The following CACNB2 variants were observed in gnomAD, a reference collection of about 807,000 sequenced individuals.
CACNB2 encodes calcium voltage-gated channel auxiliary subunit beta 2.
A neutral mutation model predicts 73.3 loss-of-function variants in CACNB2; 42 were observed. The ratio of observed to expected loss-of-function variants is 0.57; its 90% confidence interval spans 0.45 to 0.74. The LOEUF (loss-of-function observed/expected upper bound fraction) is 0.74, where lower values mean the gene tolerates loss of function less well. Among genes scored for constraint, CACNB2 ranks in the 30% least tolerant of loss-of-function variants. The pLI, the probability that CACNB2 is intolerant of heterozygous loss-of-function variation, is 0.00. For synonymous variants in CACNB2, 348 were observed against 310.3 expected (o/e 1.12, Z -1.28); for missense variants, 940 against 853.0 (o/e 1.10, Z -1.27).
intron 2 of CACNB2, among the ~76,000 whole-genome samples, chr10:18,325,439 C>G (rs150189220): frequency 1.3e-3 from 199 of 152,082 alleles, no homozygotes; most frequent in African/African-American, 4.7e-3. Flanking sequence ...AGGCAATCCT[C>G]CTGCCTTGGC....
intron 2 of CACNB2, among the ~76,000 whole-genome samples, chr10:18,263,460 A>G (rs1008806309): frequency 3.3e-5 from 5 of 152,228 alleles, no homozygotes; most frequent in Admixed American, 3.3e-4. Flanking sequence ...GTCAATATTT[A>G]TATACATACA....
At chr10:18,271,175 T>C (rs1483294565) in intron 2 of CACNB2, among the ~76,000 whole-genome samples, 1 of 152,220 alleles carries the variant, frequency 6.6e-6, no homozygotes, top group African/African-American at 2.4e-5. Context: ...TTGGTTGATA[T>C]GCATAAAGTA....
intron 2 of CACNB2, among the ~76,000 whole-genome samples, chr10:18,363,604 C>G (rs2042227960): frequency 6.6e-6 from 1 of 152,174 alleles, no homozygotes; most frequent in African/African-American, 2.4e-5. Flanking sequence ...AAGCTCAAAG[C>G]TAGCAGTTCA....
At chr10:18,286,449 T>G (rs957204829) in intron 2 of CACNB2, among the ~76,000 whole-genome samples, 1 of 126,820 alleles carries the variant, frequency 7.9e-6, no homozygotes, top group South Asian at 2.6e-4. Flanking sequence ...ACCCTGCAGG[T>G]GGAGCTTGCA....
chr10:18,172,410 A>G (rs974510575), intron 2 of CACNB2, among the ~76,000 whole-genome samples: 1 of 152,254 alleles, frequency 6.6e-6, no homozygotes, highest in African/African-American at 2.4e-5. Flanking sequence ...TTGATTGGAA[A>G]TGTTTTTCTC....
chr10:18,231,806 C>A (rs981458023), intron 2 of CACNB2, among the ~76,000 whole-genome samples: 1 of 152,196 alleles, frequency 6.6e-6, no homozygotes, highest in Non-Finnish European at 1.5e-5. Flanking sequence ...ATTCAAGACT[C>A]ATTGTTCACT....
intron 2 of CACNB2, among the ~76,000 whole-genome samples, chr10:18,291,230 A>C (rs2039056365): frequency 6.6e-6 from 1 of 152,162 alleles, no homozygotes; most frequent in African/African-American, 2.4e-5. Flanking sequence ...TGCCTCCTAA[A>C]ATGGATGCCA....
intron 3 of CACNB2, among the ~76,000 whole-genome samples, chr10:18,409,298 C>T (rs1265288756): frequency 2.4e-5 from 2 of 85,072 alleles, no homozygotes; most frequent in African/African-American, 7.9e-5. Flanking sequence ...AACTCTGTCT[C>T]CAGGAAAAAA....
intron 3 of CACNB2, among the ~76,000 whole-genome samples, chr10:18,472,759 G>A (rs899594601): frequency 6.6e-6 from 1 of 152,222 alleles, no homozygotes; most frequent in African/African-American, 2.4e-5. Flanking sequence ...AAAACAAGCA[G>A]CCTTTCAGGA....
At chr10:18,292,621 A>C (rs565459368) in intron 2 of CACNB2, among the ~76,000 whole-genome samples, 2 of 152,158 alleles carry the variant, frequency 1.3e-5, no homozygotes, top group African/African-American at 4.8e-5. Context: ...GGGCCACTGC[A>C]CTCCAGCCTG....
chr10:18,256,268 T>C (rs1454098133), intron 2 of CACNB2, among the ~76,000 whole-genome samples: 2 of 145,958 alleles, frequency 1.4e-5, no homozygotes, highest in Non-Finnish European at 3.1e-5. Context: ...TTGACTTTAT[T>C]TGATTATTTA....
At position 18,187,006 on chromosome 10, in the gene CACNB2, G is replaced by A. The variant is rs535433399; in HGVS notation, c.213+36031G>A. On this transcript the variant is annotated intron_variant, in intron 2 of 13. Coordinates refer to ENST00000324631, the MANE Select transcript of CACNB2 (RefSeq NM_201596.3). The stretch of plus-strand genomic sequence containing the variant: ...ACAGGATGTTAATGAATTAAAATAA[G>A]CCCATGGGTGACGAACCATGGAAAG... Among the ~76,000 whole-genome samples the A allele has an allele frequency of 3.3e-5, 5 of 152,278 alleles. No individual in the cohort carries two copies. The South Asian group carries it at 1.0e-3, about 32-fold the overall frequency.
At chr10:18,233,473 G>C (rs1478774547) in intron 2 of CACNB2, among the ~76,000 whole-genome samples, 2 of 151,168 alleles carry the variant, frequency 1.3e-5, no homozygotes. Context: ...CTATTGCTCT[G>C]CTAGCTAGGT....
At chr10:18,292,297 G>A (rs1447348970) in intron 2 of CACNB2, among the ~76,000 whole-genome samples, 2 of 152,144 alleles carry the variant, frequency 1.3e-5, no homozygotes, top group Non-Finnish European at 2.9e-5. Flanking sequence ...TGATAGACAT[G>A]TATAAAGTTT....
In CACNB2 at chr10:18,169,034, T is replaced by C. The variant is rs549880895; in HGVS notation, c.213+18059T>C. The stretch of plus-strand genomic sequence containing the variant: ...TCCTCATCTTATTAAGTATACATAA[T>C]AAATGGTGGCTAGCTACTAGCCTAA... On this transcript the variant is annotated intron_variant, in intron 2 of 13. Transcript: ENST00000324631. Among the ~76,000 whole-genome samples the C allele has an allele frequency of 1.0e-3, 155 of 152,272 alleles. 1 individual carries two copies. Among genetic ancestry groups the C allele is most frequent in the African/African-American group, 3.7e-3 (154 of 41,562 alleles).
At chr10:18,261,440 A>C in intron 2 of CACNB2, 1 of 1,294,868 alleles carries the variant, frequency 7.7e-7, no homozygotes, top group Non-Finnish European at 1.1e-6. Flanking sequence ...ACAGTCGATC[A>C]TTTCGTACCA....
At chr10:18,285,187 T>G (rs1276605743) in intron 2 of CACNB2, among the ~76,000 whole-genome samples, 1 of 152,192 alleles carries the variant, frequency 6.6e-6, no homozygotes, top group African/African-American at 2.4e-5. Flanking sequence ...TATTCCTGTC[T>G]TTGTACAGTC....
intron 2 of CACNB2, among the ~76,000 whole-genome samples, chr10:18,366,377 A>G (rs1261950592): frequency 6.6e-6 from 1 of 151,468 alleles, no homozygotes; most frequent in Non-Finnish European, 1.5e-5. Flanking sequence ...AGGCAGGAGA[A>G]TGGTACGAAC....
At chr10:18,278,049 A>G (rs943928452) in intron 2 of CACNB2, among the ~76,000 whole-genome samples, 1 of 152,214 alleles carries the variant, frequency 6.6e-6, no homozygotes, top group Non-Finnish European at 1.5e-5. Flanking sequence ...ATGGATAAAG[A>G]TATGTGTTCC....
Sources: allele counts gnomAD v4.1 joint callset (sites outside exome capture counted in the v4.1 genomes callset), GRCh38; gene constraint gnomAD v4.1.1; transcripts MANE v1.5; gene names NCBI Gene and HGNC (gene_info 2026-07-23, HGNC 2026-07-21).